Variants in LRP2BP observed in about 807,000 individuals in gnomAD.
LRP2BP encodes LRP2 binding protein.
In LRP2BP, 38 loss-of-function variants were observed where a neutral mutation model predicts 45.2. The ratio of observed to expected loss-of-function variants is 0.84; its 90% confidence interval spans 0.65 to 1.10. LRP2BP has a LOEUF of 1.10. Ranked by LOEUF, LRP2BP falls within the 50% of genes least tolerant of loss-of-function variation. The pLI, the probability that LRP2BP is intolerant of heterozygous loss-of-function variation, is 0.00. For synonymous variants in LRP2BP, 153 were observed against 153.9 expected (o/e 0.99, Z 0.04); for missense variants, 385 against 418.9 (o/e 0.92, Z 0.71).
intron 6 of LRP2BP, 29 bp downstream of exon 6, chr4:185,374,106 C>T (rs977858308): frequency 6.5e-7 from 1 of 1,550,056 alleles, no homozygotes; most frequent in Non-Finnish European, 8.9e-7. Flanking sequence ...CTAAATATAA[C>T]ACTAGCATTA....
At chr4:185,376,443 C>CTTTTTTTTTT (rs34024562) in intron 3 of LRP2BP, among the ~76,000 whole-genome samples, 2,039 of 105,882 alleles carry the variant, frequency 0.019, 3 homozygotes, top group African/African-American at 0.027. Context: ...TGCCCAGCTA[C>CTTTTTTTTTT]TTTTTTTTTT....
At chr4:185,394,238 A>C (rs1223134454) in intron 1 of LRP2BP, among the ~76,000 whole-genome samples, 1 of 144,906 alleles carries the variant, frequency 6.9e-6, no homozygotes, top group Non-Finnish European at 1.5e-5. Flanking sequence ...CAATCTGGGC[A>C]AGACAGCGAG....
At chr4:185,371,563 A>T (rs63032061) in intron 7 of LRP2BP, among the ~76,000 whole-genome samples, 1 of 128,364 alleles carries the variant, frequency 7.8e-6, no homozygotes, top group Non-Finnish European at 1.7e-5. Flanking sequence ...AAAAAAAAAA[A>T]GGATAATGGA....
Position 185,370,669 on chromosome 4 carries a change from C to G in LRP2BP, c.949G>C (p.Glu317Gln), listed in dbSNP as rs1356204807. The change falls in exon 8 of 9, where the codon GAA (glutamate) becomes CAA (glutamine). Residue 317 changes from glutamate (E) to glutamine (Q), a missense_variant. Physicochemically the swap from Glu to Gln is conservative, Grantham distance 29. Transcript: ENST00000505916. ...LQLGLGITRD[E>Q]TTAKHYYSKA... is the part of the protein sequence containing the mutation. ...GAATAATAGTGTTTAGCGGTTGTTTCATCCCTGGTGATGCCCAAGCCAAGC... is the reference window on the plus strand; with the variant it reads ...GAATAATAGTGTTTAGCGGTTGTTTGATCCCTGGTGATGCCCAAGCCAAGC... 3.7e-6 allele frequency: 6 copies of G among 1,613,900 alleles called. No homozygotes were observed. In the African/African-American group the frequency reaches 4.0e-5, roughly 11 times the overall value.
rs1474912523 is a variant in LRP2BP, at chr4:185,394,898, G to A, written c.-141C>T. 1.0e-6 allele frequency: 1 copy of A among 985,398 alleles called. No individual in the cohort carries two copies. Among genetic ancestry groups the A allele is most frequent in the Non-Finnish European group, 1.2e-6 (1 of 829,930 alleles). The allele number at this position is 985,398 out of a possible 1,614,324, so 61.0% of individuals were successfully genotyped here. A position where few individuals can be genotyped will look rare whatever the true frequency, so the allele number is the denominator to read the frequency against. The stretch of plus-strand genomic sequence containing the variant: ...GCTTAGGAGAACGCCTATAAAATAT[G>A]CATCTTAGATCATCTTCCGTTTTAG... On this transcript the variant is annotated 5_prime_UTR_variant, in exon 1 of 9. Coordinates refer to ENST00000505916, the MANE Select transcript of LRP2BP (RefSeq NM_001377440.1).
Position 185,394,761 on chromosome 4 carries a change from A to G in LRP2BP, c.-22+18T>C. 1.0e-6 allele frequency: 1 copy of G among 985,222 alleles called. No individual in the cohort carries two copies. The highest frequency in any genetic ancestry group is 1.2e-6 in the Non-Finnish European group (1 of 829,820). 61.0% of individuals were successfully genotyped at this position (985,222 alleles called of 1,614,324 possible). A position where few individuals can be genotyped will look rare whatever the true frequency, so the allele number is the denominator to read the frequency against. On this transcript the variant is annotated intron_variant, in intron 1 of 8. Transcript: ENST00000505916. ...TCAAGATTCAGCCCACACATCTCTCATCTATTCGGTCACTTACTCATCATC... is the reference window on the plus strand; with the variant it reads ...TCAAGATTCAGCCCACACATCTCTCGTCTATTCGGTCACTTACTCATCATC...
Position 185,395,350 on chromosome 4 carries a change from T to C in LRP2BP, c.-593A>G. ...TTATGTTCAAAACTGTAAGAACGTGTCTGATACCCTTTATTAGTTAGGAAT... is the reference window on the plus strand; with the variant it reads ...TTATGTTCAAAACTGTAAGAACGTGCCTGATACCCTTTATTAGTTAGGAAT... On this transcript the variant is annotated 5_prime_UTR_variant, in exon 1 of 9. Transcript: ENST00000505916. The C allele has an allele frequency of 1.0e-6, 1 of 985,440 alleles. No homozygotes were observed. Among genetic ancestry groups the C allele is most frequent in the Non-Finnish European group, 1.2e-6 (1 of 829,912 alleles). 61.0% of individuals were successfully genotyped at this position (985,440 alleles called of 1,614,324 possible).
At chr4:185,378,735 T>C in intron 1 of LRP2BP, 1 of 985,728 alleles carries the variant, frequency 1.0e-6, no homozygotes, top group Non-Finnish European at 1.2e-6. Flanking sequence ...AGTTGAATGG[T>C]AAATCAGTGT....
At chr4:185,385,911 G>GT (rs55905919) in intron 1 of LRP2BP, among the ~76,000 whole-genome samples, 82,311 of 143,976 alleles carry the variant, frequency 0.57, 26,452 homozygotes, top group Non-Finnish European at 0.7. Context: ...GGGGAGGGGG[G>GT]GGGGGAGATA....
intron 8 of LRP2BP, among the ~76,000 whole-genome samples, chr4:185,368,140 T>A (rs761185400): frequency 2.0e-5 from 3 of 152,186 alleles, no homozygotes; most frequent in South Asian, 2.1e-4. Flanking sequence ...ATTGCGCCAC[T>A]GCACTCCAGC....
intron 1 of LRP2BP, among the ~76,000 whole-genome samples, chr4:185,389,726 G>GT (rs879326748): frequency 1.3e-4 from 19 of 151,996 alleles, no homozygotes; most frequent in Admixed American, 1.0e-3. Context: ...ACAAACCTTC[G>GT]TATCTGTTCA....
Position 185,395,221 on chromosome 4 carries a change from C to T in LRP2BP, c.-464G>A, listed in dbSNP as rs1360285168. 2.0e-6 allele frequency: 2 copies of T among 985,248 alleles called. No individual in the cohort carries two copies. The highest frequency in any genetic ancestry group is 3.5e-5 in the African/African-American group (2 of 57,218). 61.0% of individuals were successfully genotyped at this position (985,248 alleles called of 1,614,324 possible). On this transcript the variant is annotated 5_prime_UTR_variant, in exon 1 of 9. Transcript: ENST00000505916. ...GTAACAGGAAGTTAAAAAATAACTACCACTTAATGCATACTGAACAGAATC... is the reference window on the plus strand; with the variant it reads ...GTAACAGGAAGTTAAAAAATAACTATCACTTAATGCATACTGAACAGAATC...
intron 1 of LRP2BP, chr4:185,378,473 TG>T: frequency 4.2e-6 from 5 of 1,203,666 alleles, no homozygotes; most frequent in Non-Finnish European, 5.2e-6. Flanking sequence ...TGTCTGGCTA[TG>T]GGTTTATACA....
Position 185,395,208 on chromosome 4 carries a change from TAAA to T in LRP2BP, c.-454_-452del, listed in dbSNP as rs541486688. 1.9e-3 allele frequency: 1,874 copies of T among 985,402 alleles called. No homozygotes were observed. Among genetic ancestry groups the T allele is most frequent in the Non-Finnish European group, 2.2e-3 (1,787 of 829,900 alleles). The allele number at this position is 985,402 out of a possible 1,614,324, so 61.0% of individuals were successfully genotyped here. A position where few individuals can be genotyped will look rare whatever the true frequency, so the allele number is the denominator to read the frequency against. On this transcript the variant is annotated 5_prime_UTR_variant, in exon 1 of 9. Transcript: ENST00000505916. ...GAAATTTACGTATGTAACAGGAAGT[TAAA>T]AAATAACTACCACTTAATGCATACT...
chr4:185,383,975 C>G (rs1449922270), intron 1 of LRP2BP, among the ~76,000 whole-genome samples: 1 of 152,136 alleles, frequency 6.6e-6, no homozygotes, highest in African/African-American at 2.4e-5. Context: ...TTGTGTATTC[C>G]TTTGCTGTAA....
rs1423647442 is a variant in LRP2BP at position 185,367,254 on chromosome 4, CAA to C, written c.979-11_979-10del. 1.3e-5 allele frequency: 21 copies of C among 1,602,768 alleles called. No individual in the cohort carries two copies. The highest frequency in any genetic ancestry group is 5.6e-5 in the South Asian group (5 of 89,520). ...GGATTCAGACGACAAGCCTTAAAAT[CAA>C]AAAGAGTCAGATATTTAGATACATT... On this transcript the variant is annotated splice_polypyrimidine_tract_variant and intron_variant, in intron 8 of 8. Transcript: ENST00000505916.
In LRP2BP at chr4:185,367,032, C is replaced by T. The variant is rs547679344; in HGVS notation, c.*148G>A. Reference sequence around the variant, plus strand: ...TCAAGTTGCAAAACTTAACAGCGTACGAATTCAAGAACGAAGTAACATGTC... The same window carrying T: ...TCAAGTTGCAAAACTTAACAGCGTATGAATTCAAGAACGAAGTAACATGTC... On this transcript the variant is annotated 3_prime_UTR_variant, in exon 9 of 9. Transcript: ENST00000505916. The T allele has an allele frequency of 8.8e-5, 64 of 725,808 alleles. No homozygotes were observed. Among genetic ancestry groups the T allele is most frequent in the East Asian group, 5.2e-5 (2 of 38,208 alleles). The allele number at this position is 725,808 out of a possible 1,614,324, so 45.0% of individuals were successfully genotyped here.
At chr4:185,367,354 G>C in intron 8 of LRP2BP, 109 bp from the exon 9 acceptor site, 1 of 918,680 alleles carries the variant, frequency 1.1e-6, no homozygotes, top group Non-Finnish European at 1.6e-6. Context: ...AAAGTACAGT[G>C]AATTTCAAGA....
rs116535866 is a variant in LRP2BP at position 185,387,605 on chromosome 4, G to A, written c.-22+7174C>T. Reference sequence around the variant, plus strand: ...TTTTGAATTGCAAGTAAGAGACTGTGGACCTGCATGTTTCTCTTCTCTATT... The same window carrying A: ...TTTTGAATTGCAAGTAAGAGACTGTAGACCTGCATGTTTCTCTTCTCTATT... On this transcript the variant is annotated intron_variant, in intron 1 of 8. Transcript: ENST00000505916. Among the ~76,000 whole-genome samples the A allele has an allele frequency of 6.9e-3, 1,049 of 152,232 alleles. 17 individuals carry two copies. The highest frequency in any genetic ancestry group is 0.024 in the African/African-American group (981 of 41,524).
Sources: gnomAD v4.1 joint callset for allele counts (sites outside exome capture counted in the v4.1 genomes callset) on GRCh38, gnomAD v4.1.1 for gene constraint, MANE v1.5 for transcripts, NCBI Gene and HGNC (gene_info 2026-07-23, HGNC 2026-07-21) for gene names.